The following SOX5 variants were observed in gnomAD, a reference collection of about 807,000 sequenced individuals.
SOX5 encodes transcription factor SOX-5.
Under a neutral mutation model 92.0 loss-of-function variants are expected in SOX5, and 9 were observed. That is an observed-to-expected ratio of 0.10 (90% CI 0.06 to 0.17). The LOEUF is 0.17. Ranked by LOEUF, SOX5 falls within the 10% of genes least tolerant of loss-of-function variation. SOX5 has a pLI of 1.00. For missense variants in SOX5, 642 were observed against 944.5 expected, an observed-to-expected ratio of 0.68 and a Z score of 4.20; for synonymous variants, 344 against 336.3, an observed-to-expected ratio of 1.02 and a Z score of -0.25.
chr12:24,400,817 A>T (rs917514858), intron 1 of SOX5, among the ~76,000 whole-genome samples: 2 of 152,232 alleles, frequency 1.3e-5, no homozygotes, highest in Admixed American at 1.3e-4. Context: ...GACAGAACTG[A>T]AACACTATCA....
intron 6 of SOX5, among the ~76,000 whole-genome samples, chr12:23,666,029 T>C (rs1363188362): frequency 6.6e-6 from 1 of 152,146 alleles, no homozygotes; most frequent in African/African-American, 2.4e-5. Flanking sequence ...CAAATTCTCA[T>C]GTTCACACAT....
intron 2 of SOX5, among the ~76,000 whole-genome samples, chr12:24,336,074 T>G (rs2686336): frequency 0.86 from 125,816 of 145,892 alleles, 54,517 homozygotes; most frequent in East Asian, 0.97. Flanking sequence ...TGGGGATACG[T>G]TTTTTTTGTG....
intron 4 of SOX5, among the ~76,000 whole-genome samples, chr12:24,021,731 C>T (rs745737662): frequency 6.6e-6 from 1 of 152,134 alleles, no homozygotes; most frequent in African/African-American, 2.4e-5. Context: ...GAGTGCTTAA[C>T]GAAGTACGCT....
At chr12:23,535,826 T>C (rs796182862) in intron 14 of SOX5, among the ~76,000 whole-genome samples, 6 of 152,332 alleles carry the variant, frequency 3.9e-5, no homozygotes, top group African/African-American at 1.4e-4. Flanking sequence ...TTTTGGGTTT[T>C]TGAGAGAATT....
At chr12:23,534,999 C>T (rs1054585613) in intron 14 of SOX5, among the ~76,000 whole-genome samples, 10 of 152,080 alleles carry the variant, frequency 6.6e-5, no homozygotes, top group East Asian at 1.9e-4. Context: ...CGTGAGCCAC[C>T]GCACCAGGCC....
At chr12:24,354,964 T>TA (rs1565972327) in intron 2 of SOX5, among the ~76,000 whole-genome samples, 1 of 152,074 alleles carries the variant, frequency 6.6e-6, no homozygotes, top group South Asian at 2.1e-4. Flanking sequence ...TCTAGTAACT[T>TA]AAAAAAAGCT....
chr12:24,448,544 G>GTATTAAATAC (rs1373822608), intron 1 of SOX5, among the ~76,000 whole-genome samples: 2 of 152,108 alleles, frequency 1.3e-5, no homozygotes, highest in Non-Finnish European at 2.9e-5. Context: ...GGACTTCTTG[G>GTATTAAATAC]TATTAAATAC....
At chr12:24,106,176 C>T (rs1315937547) in intron 4 of SOX5, among the ~76,000 whole-genome samples, 1 of 147,494 alleles carries the variant, frequency 6.8e-6, no homozygotes, top group Non-Finnish European at 1.5e-5. Context: ...GTGTATCACA[C>T]AAACTGGTAA....
At chr12:23,664,190 C>A (rs1412580555) in intron 7 of SOX5, among the ~76,000 whole-genome samples, 1 of 151,760 alleles carries the variant, frequency 6.6e-6, no homozygotes, top group Non-Finnish European at 1.5e-5. Context: ...TGTTGAAATC[C>A]CCAATGTGAG....
rs77817598 is a variant in SOX5, at chr12:24,419,127, G to C, written c.-250-50488C>G. Among the ~76,000 whole-genome samples, 674 of 152,022 alleles carry C rather than the reference G, an allele frequency of 4.4e-3. 10 individuals are homozygous for C. The East Asian group carries it at 0.05, about 11-fold the overall frequency. ...CCTACATAGCACCTAGGAGAAGAAA[G>C]ATTTTTTTTTTTAAGACAAAGTCTT... On this transcript the variant is annotated intron_variant, in intron 1 of 4. Transcript: ENST00000446891.
chr12:23,976,637 G>C (rs980239248), intron 4 of SOX5, among the ~76,000 whole-genome samples: 3 of 152,098 alleles, frequency 2.0e-5, no homozygotes, highest in Non-Finnish European at 2.9e-5. Flanking sequence ...AAGTCCACTA[G>C]ACATTCACTC....
rs1410819326 is a variant in SOX5 at position 24,111,846 on chromosome 12, T to TGACC, written c.-2+101493_-2+101496dup. Among the ~76,000 whole-genome samples, 6 of 152,334 alleles carry TGACC rather than the reference T, an allele frequency of 3.9e-5. No individual in the cohort carries two copies. The East Asian group carries it at 1.2e-3, about 29-fold the overall frequency. ...TCATTACTCATAAATTATTTTTCCTTGACCTTTAATTATTTTAGGTTAATT... is the reference window on the plus strand; with the variant it reads ...TCATTACTCATAAATTATTTTTCCTTGACCGACCTTTAATTATTTTAGGTTAATT... On this transcript the variant is annotated intron_variant, in intron 4 of 4. Transcript: ENST00000446891.
At chr12:23,667,590 G>T (rs2084024416) in intron 6 of SOX5, among the ~76,000 whole-genome samples, 1 of 152,058 alleles carries the variant, frequency 6.6e-6, no homozygotes. Flanking sequence ...GACCTAGCTT[G>T]GCCCAATAAA....
chr12:24,093,691 CT>C (rs199818216), intron 4 of SOX5, among the ~76,000 whole-genome samples: 57,324 of 140,042 alleles, frequency 0.41, 11,604 homozygotes, highest in East Asian at 0.64. Flanking sequence ...TTTGGTTGTC[CT>C]TTTTTTTTTT....
chr12:23,657,419 T>C (rs1376077049), intron 7 of SOX5, among the ~76,000 whole-genome samples: 1 of 152,144 alleles, frequency 6.6e-6, no homozygotes, highest in Admixed American at 6.5e-5. Context: ...GGAAAATATA[T>C]ATCTATTGTA....
intron 4 of SOX5, among the ~76,000 whole-genome samples, chr12:24,052,902 T>C (rs756899776): frequency 6.6e-6 from 1 of 152,210 alleles, no homozygotes; most frequent in Non-Finnish European, 1.5e-5. Flanking sequence ...TGTTTTCAAA[T>C]TCCTTATTAC....
intron 2 of SOX5, among the ~76,000 whole-genome samples, chr12:24,342,521 T>G (rs1014128630): frequency 3.3e-5 from 5 of 152,254 alleles, no homozygotes; most frequent in Admixed American, 6.5e-5. Context: ...AACCAAAGTC[T>G]GAAACTTGAC....
upstream of SOX5, among the ~76,000 whole-genome samples, chr12:23,953,202 G>A (rs570294622): frequency 2.6e-5 from 4 of 152,060 alleles, no homozygotes; most frequent in African/African-American, 9.6e-5. Flanking sequence ...GTTCCAAAAT[G>A]TTTTGGTTAA....
At chr12:23,572,402 G>C (rs1446908106) in intron 10 of SOX5, among the ~76,000 whole-genome samples, 1 of 151,554 alleles carries the variant, frequency 6.6e-6, no homozygotes, top group Non-Finnish European at 1.5e-5. Context: ...AATTGTAGTA[G>C]ACTTAAATCC....
Sources: allele counts gnomAD v4.1 joint callset (sites outside exome capture counted in the v4.1 genomes callset), GRCh38; gene constraint gnomAD v4.1.1; transcripts MANE v1.5; gene names NCBI Gene and HGNC (gene_info 2026-07-23, HGNC 2026-07-21).